DLGAP2: variants seen among roughly 807,000 people sequenced by gnomAD.
The protein encoded by DLGAP2 is disks large-associated protein 2.
DLGAP2 carries 26 observed loss-of-function variants against 100.3 expected under a neutral mutation model. The ratio of observed to expected loss-of-function variants is 0.26; its 90% CI spans 0.19 to 0.36. The LOEUF (loss-of-function observed/expected upper bound fraction) is 0.36, where lower values mean the gene tolerates loss of function less well. Ranked by LOEUF, DLGAP2 falls within the 10% of genes least tolerant of loss-of-function variation. The pLI, the probability that DLGAP2 is intolerant of heterozygous loss-of-function variation, is 1.00. For synonymous variants in DLGAP2, 886 were observed against 630.1 expected (o/e 1.41, Z -6.08); for missense variants, 1,858 against 1,453.2 (o/e 1.28, Z -4.53).
intron 2 of DLGAP2, among the ~76,000 whole-genome samples, chr8:1,053,542 G>A (rs1424203100): frequency 1.3e-5 from 2 of 152,124 alleles, no homozygotes; most frequent in East Asian, 1.9e-4. Flanking sequence ...GCATGCAGCT[G>A]AAGAAGAGAC....
intron 3 of DLGAP2, among the ~76,000 whole-genome samples, chr8:1,419,195 C>G (rs1797021455): frequency 9.1e-6 from 1 of 110,076 alleles, no homozygotes; most frequent in Middle Eastern, 4.5e-3. Context: ...GTGTTACACT[C>G]TGATGCGTGC....
At chr8:1,520,074 C>T (rs1371567865) in intron 4 of DLGAP2, among the ~76,000 whole-genome samples, 2 of 152,182 alleles carry the variant, frequency 1.3e-5, no homozygotes, top group Admixed American at 1.3e-4. Flanking sequence ...GCTCTCTCTG[C>T]CCCTGGAGTG....
At chr8:1,428,471 G>A (rs887955136) in intron 3 of DLGAP2, among the ~76,000 whole-genome samples, 1 of 152,090 alleles carries the variant, frequency 6.6e-6, no homozygotes, top group Admixed American at 6.5e-5. Flanking sequence ...CAAAAGAGGG[G>A]AAAGCTACTT....
intron 7 of DLGAP2, among the ~76,000 whole-genome samples, chr8:1,627,347 A>T (rs2130771084): frequency 6.6e-6 from 1 of 152,222 alleles, no homozygotes; most frequent in South Asian, 2.1e-4. Flanking sequence ...CCAGGGCAGG[A>T]CTGATTTCGG....
chr8:797,976 T>A (rs1243063853), intron 1 of DLGAP2, among the ~76,000 whole-genome samples: 2 of 152,130 alleles, frequency 1.3e-5, no homozygotes. Context: ...GGTCTCGAAC[T>A]CCTGATGTCG....
intron 1 of DLGAP2, among the ~76,000 whole-genome samples, chr8:832,801 G>A (rs1796806155): frequency 6.6e-6 from 1 of 152,236 alleles, no homozygotes. Context: ...ACAGGAGACT[G>A]TGCTCAGCCT....
At chr8:832,803 G>C (rs745371043) in intron 1 of DLGAP2, among the ~76,000 whole-genome samples, 1 of 152,238 alleles carries the variant, frequency 6.6e-6, no homozygotes, top group African/African-American at 2.4e-5. Flanking sequence ...AGGAGACTGT[G>C]CTCAGCCTTG....
intron 4 of DLGAP2, among the ~76,000 whole-genome samples, chr8:1,503,157 C>T (rs1437959287): frequency 3.3e-5 from 5 of 152,140 alleles, no homozygotes; most frequent in African/African-American, 9.7e-5. Context: ...ATTTTTTCAT[C>T]TTAGCCCTTT....
intron 3 of DLGAP2, among the ~76,000 whole-genome samples, chr8:1,286,318 T>C (rs1799920575): frequency 6.6e-6 from 1 of 152,208 alleles, no homozygotes. Flanking sequence ...TTCTTTACTT[T>C]ATAAATCACC....
At chr8:1,012,464 C>G (rs980685733) in intron 2 of DLGAP2, among the ~76,000 whole-genome samples, 7 of 151,564 alleles carry the variant, frequency 4.6e-5, no homozygotes, top group South Asian at 2.1e-4. Flanking sequence ...CGGGAACTTC[C>G]AGCGGCAGTG....
At chr8:982,759 A>T (rs1800372062) in intron 2 of DLGAP2, among the ~76,000 whole-genome samples, 1 of 152,208 alleles carries the variant, frequency 6.6e-6, no homozygotes, top group South Asian at 2.1e-4. Context: ...GACCTAAAGC[A>T]GCTGGGCTAC....
At chr8:913,328 C>CTAAAGGTTT (rs1798527027) in intron 2 of DLGAP2, among the ~76,000 whole-genome samples, 1 of 152,132 alleles carries the variant, frequency 6.6e-6, no homozygotes, top group Admixed American at 6.5e-5. Context: ...TTCTTGGGAG[C>CTAAAGGTTT]TAAAGGTTTT....
chr8:1,408,276 TC>T (rs1188051759), intron 3 of DLGAP2, among the ~76,000 whole-genome samples: 6 of 152,220 alleles, frequency 3.9e-5, no homozygotes, highest in Admixed American at 6.5e-5. Flanking sequence ...CAGTTTCCCC[TC>T]TTGCTGATGA....
chr8:1,674,860 G>C (rs1259225728), intron 10 of DLGAP2, among the ~76,000 whole-genome samples: 1 of 152,158 alleles, frequency 6.6e-6, no homozygotes, highest in Non-Finnish European at 1.5e-5. Flanking sequence ...TAAAACACGA[G>C]GCAGCTCCAT....
chr8:996,859 C>G (rs546936439), intron 2 of DLGAP2, among the ~76,000 whole-genome samples: 12 of 152,220 alleles, frequency 7.9e-5, no homozygotes, highest in Admixed American at 7.8e-4. Context: ...AGAAAGCCCC[C>G]AAGAACTTAC....
At chr8:1,415,473 C>T (rs1447410892) in intron 3 of DLGAP2, among the ~76,000 whole-genome samples, 1 of 152,152 alleles carries the variant, frequency 6.6e-6, no homozygotes, top group Non-Finnish European at 1.5e-5. Context: ...TTTCCCTCCC[C>T]CTCTAGTAGC....
At chr8:1,497,000 G>A (rs1018768365) in intron 3 of DLGAP2, among the ~76,000 whole-genome samples, 18 of 151,614 alleles carry the variant, frequency 1.2e-4, no homozygotes, top group Admixed American at 3.3e-4. Context: ...TATGGTTTAC[G>A]GGGTCTCCAG....
At chr8:1,215,210 A>AAATT (rs1261525558) in intron 2 of DLGAP2, among the ~76,000 whole-genome samples, 9 of 152,244 alleles carry the variant, frequency 5.9e-5, no homozygotes. Context: ...CCCAAATATC[A>AAATT]AATTGGGAAT....
intron 3 of DLGAP2, among the ~76,000 whole-genome samples, chr8:1,422,155 C>G (rs1270369868): frequency 6.6e-6 from 1 of 152,140 alleles, no homozygotes; most frequent in East Asian, 1.9e-4. Context: ...GACCACATGG[C>G]TGAGTCGCGA....
Sources: gnomAD v4.1 joint callset for allele counts (sites outside exome capture counted in the v4.1 genomes callset) on GRCh38, gnomAD v4.1.1 for gene constraint, MANE v1.5 for transcripts, NCBI Gene and HGNC (gene_info 2026-07-23, HGNC 2026-07-21) for gene names.